CDR2: variants seen among roughly 807,000 people sequenced by gnomAD.
CDR2 encodes the protein cerebellar degeneration related protein 2.
A neutral mutation model predicts 48.4 loss-of-function variants in CDR2; 34 were observed. The ratio of observed to expected loss-of-function variants is 0.70; its 90% CI spans 0.53 to 0.94. The LOEUF is 0.94. Ranked by LOEUF, CDR2 falls within the 40% of genes least tolerant of loss-of-function variation. CDR2 has a pLI of 0.00. For missense variants in CDR2, 498 were observed against 549.5 expected (o/e 0.91, Z 0.94); for synonymous variants, 240 against 219.7 (o/e 1.09, Z -0.82).
chr16:22,363,976 T>C (rs1033826167), intron 2 of CDR2, among the ~76,000 whole-genome samples: 1 of 152,158 alleles, frequency 6.6e-6, no homozygotes, highest in Non-Finnish European at 1.5e-5. Context: ...CTCGCTCCCA[T>C]CACCTAACCT....
chr16:22,350,078 A>T (rs993261292), intron 2 of CDR2, among the ~76,000 whole-genome samples: 1 of 152,042 alleles, frequency 6.6e-6, no homozygotes, highest in Non-Finnish European at 1.5e-5. Flanking sequence ...AATCCCAGCT[A>T]CTTGGGAGGC....
Position 22,347,211 on chromosome 16 carries a change from G to A in CDR2, c.1119C>T (p.Ser373=). The A allele has an allele frequency of 3.1e-6, 5 of 1,614,142 alleles. No individual in the cohort carries two copies. Among genetic ancestry groups the A allele is most frequent in the Non-Finnish European group, 4.2e-6 (5 of 1,180,038 alleles). The change falls in exon 5 of 5, where the codon TCC becomes TCT. Residue 373 remains serine, a synonymous_variant. Coordinates refer to ENST00000268383, the MANE Select transcript of CDR2 (RefSeq NM_001802.2). ...AGGTCTGCACAGCCTTGTGTGACAG[G>A]GAGTCCTGTTCCTCTTGGCACTTCT... ...LLKKCQEEQD[S]LSHKAVQTSR...
At chr16:22,364,828 T>C in intron 2 of CDR2, 74 bp downstream of exon 2, 1 of 829,540 alleles carries the variant, frequency 1.2e-6, no homozygotes, top group African/African-American at 1.7e-5. Flanking sequence ...AAGTGCTTTT[T>C]TACCAGTATG....
chr16:22,359,360 C>T (rs1438677859), intron 2 of CDR2, among the ~76,000 whole-genome samples: 2 of 152,050 alleles, frequency 1.3e-5, no homozygotes, highest in African/African-American at 4.8e-5. Context: ...CTCCTGACCT[C>T]GTGATCTACC....
chr16:22,372,283 G>C (rs1277488124), intron 1 of CDR2, among the ~76,000 whole-genome samples: 1 of 152,186 alleles, frequency 6.6e-6, no homozygotes, highest in Non-Finnish European at 1.5e-5. Context: ...TCGGTAGATT[G>C]AAGTGTTACA....
intron 2 of CDR2, among the ~76,000 whole-genome samples, chr16:22,364,029 C>T (rs1227942351): frequency 6.6e-6 from 1 of 152,126 alleles, no homozygotes; most frequent in Non-Finnish European, 1.5e-5. Flanking sequence ...GCCTTGACTT[C>T]CCAGGTTCAG....
chr16:22,357,111 C>G (rs183738332), intron 2 of CDR2, among the ~76,000 whole-genome samples: 2 of 152,070 alleles, frequency 1.3e-5, no homozygotes, highest in African/African-American at 4.8e-5. Flanking sequence ...GCTGGAGGCA[C>G]GATCTCAGCT....
rs2049104714 is a variant in CDR2 at position 22,374,458 on chromosome 16, C to A, written c.-149G>T. 3.3e-6 allele frequency: 1 copy of A among 303,406 alleles called. No homozygotes were observed. The highest frequency in any genetic ancestry group is 5.9e-6 in the Non-Finnish European group (1 of 170,388). The allele number at this position is 303,406 out of a possible 1,614,324, so 18.8% of individuals were successfully genotyped here. A position where few individuals can be genotyped will look rare whatever the true frequency, so the allele number is the denominator to read the frequency against. On this transcript the variant is annotated 5_prime_UTR_variant, in exon 1 of 5. Transcript: ENST00000268383. ...CAGACTCCGCTGCGCCGCCTCAGCC[C>A]CGTTCCCGCCGGCGGCCGCCGACCG...
chr16:22,370,343 T>C (rs1237146095), intron 1 of CDR2, among the ~76,000 whole-genome samples: 1 of 152,184 alleles, frequency 6.6e-6, no homozygotes, highest in South Asian at 2.1e-4. Context: ...CAAACAGTGA[T>C]TCAGCAAAAT....
At chr16:22,358,415 CTA>C (rs1338483306) in intron 2 of CDR2, among the ~76,000 whole-genome samples, 1 of 152,164 alleles carries the variant, frequency 6.6e-6, no homozygotes, top group Non-Finnish European at 1.5e-5. Context: ...GTCACCTCAA[CTA>C]TGAGTACAAG....
chr16:22,358,432 C>CA (rs978772220), intron 2 of CDR2, among the ~76,000 whole-genome samples: 2 of 152,120 alleles, frequency 1.3e-5, no homozygotes, highest in Admixed American at 1.3e-4. Context: ...TACAAGGTTC[C>CA]AGTTATGCAC....
chr16:22,349,852 G>A lies in CDR2; in HGVS notation c.193-3C>T, dbSNP rs539223825. 6.2e-7 allele frequency: 1 copy of A among 1,613,922 alleles called. No homozygotes were observed. The highest frequency in any genetic ancestry group is 8.5e-7 in the Non-Finnish European group (1 of 1,179,846). ...AGTTCCACTTGCTTCGTCAGATACT[G>A]TAAGAGAAGATCAGGACCAGGTGAC... On this transcript the variant is annotated splice_region_variant and splice_polypyrimidine_tract_variant and intron_variant, in intron 2 of 4. Transcript: ENST00000268383.
chr16:22,360,073 G>GCA (rs1164028874), intron 2 of CDR2, among the ~76,000 whole-genome samples: 2 of 152,288 alleles, frequency 1.3e-5, no homozygotes, highest in East Asian at 3.9e-4. Flanking sequence ...TGAGTGCTAG[G>GCA]CACAACTCCT....
chr16:22,364,315 C>T (rs1206116021), intron 2 of CDR2, among the ~76,000 whole-genome samples: 1 of 151,992 alleles, frequency 6.6e-6, no homozygotes, highest in African/African-American at 2.4e-5. Flanking sequence ...GAGAAAGCAA[C>T]ATGTATTTTA....
At chr16:22,372,773 G>A (rs896464936) in intron 1 of CDR2, among the ~76,000 whole-genome samples, 17 of 152,186 alleles carry the variant, frequency 1.1e-4, no homozygotes, top group African/African-American at 4.1e-4. Flanking sequence ...AATTACTTTG[G>A]TTAAAGTGAT....
rs546048147 is a variant in CDR2 at position 22,371,913 on chromosome 16, C to T, written c.79+2318G>A. ...TGAGAGGGAGTTTCGTTCTTGTCAT[C>T]CAGGCTGGAGTGCAATAGCACGATC... On this transcript the variant is annotated intron_variant, in intron 1 of 4. Transcript: ENST00000268383. Among the ~76,000 whole-genome samples, 205 of 151,370 alleles carry T rather than the reference C, an allele frequency of 1.4e-3. 1 individual carries two copies. The highest frequency in any genetic ancestry group is 3.2e-4 in the Non-Finnish European group (22 of 67,932).
intron 2 of CDR2, 99 bp downstream of exon 2, chr16:22,364,803 G>T (rs2049034117): frequency 1.5e-6 from 1 of 658,986 alleles, no homozygotes; most frequent in Non-Finnish European, 2.7e-6. Flanking sequence ...AAAATAAAAT[G>T]CTGCATCTAA....
At chr16:22,364,501 A>C (rs1249190027) in intron 2 of CDR2, among the ~76,000 whole-genome samples, 1 of 151,996 alleles carries the variant, frequency 6.6e-6, no homozygotes, top group Non-Finnish European at 1.5e-5. Context: ...CTTCTTTTTT[A>C]AGCTAGGTGG....
intron 2 of CDR2, among the ~76,000 whole-genome samples, chr16:22,357,035 TCAAAA>T (rs2141847264): frequency 6.6e-6 from 1 of 151,406 alleles, no homozygotes; most frequent in African/African-American, 2.4e-5. Context: ...TTGATTTCTC[TCAAAA>T]CAATACAATA....
Sources: allele counts gnomAD v4.1 joint callset (sites outside exome capture counted in the v4.1 genomes callset), GRCh38; gene constraint gnomAD v4.1.1; transcripts MANE v1.5; gene names NCBI Gene and HGNC (gene_info 2026-07-23, HGNC 2026-07-21).